The following LRCH3 variants were observed in gnomAD, a reference collection of about 807,000 sequenced individuals.
LRCH3 encodes leucine rich repeats and calponin homology domain containing 3.
In LRCH3, 68 loss-of-function variants were observed where a neutral mutation model predicts 104.5. That is an observed-to-expected ratio of 0.65 (90% CI 0.54 to 0.80). The LOEUF is 0.80. LRCH3 is among the 30% of genes least tolerant of loss of function. LRCH3 has a pLI of 0.00. For synonymous variants in LRCH3, 344 were observed against 361.3 expected (o/e 0.95, Z 0.54); for missense variants, 951 against 953.9 (o/e 1.00, Z 0.04).
rs1369507289 is a variant in LRCH3, at chr3:197,791,524, G to C, written c.246G>C (p.Thr82=). Residue 82 remains threonine, a synonymous_variant, in exon 1 of 21, where the codon ACG becomes ACC. Transcript: ENST00000425562. ...GGGGAGCGGCCAACCACGACCTGAC[G>C]GACACCACCCGGGCGGGTGAGCGGG... ...FPRGAANHDL[T]DTTRADLSRN... 18 of 1,592,462 alleles carry C rather than the reference G, an allele frequency of 1.1e-5. No homozygotes were observed. The highest frequency in any genetic ancestry group is 1.5e-5 in the Non-Finnish European group (18 of 1,172,140).
At chr3:197,850,367 T>C (rs1739408110) in intron 12 of LRCH3, 2 of 952,444 alleles carry the variant, frequency 2.1e-6, no homozygotes, top group Non-Finnish European at 3.1e-6. Flanking sequence ...TTTTTTTTTT[T>C]TCCTTTTAAT....
chr3:197,830,462 G>A (rs187948220), intron 6 of LRCH3, among the ~76,000 whole-genome samples: 1 of 152,226 alleles, frequency 6.6e-6, no homozygotes, highest in African/African-American at 2.4e-5. Flanking sequence ...AACCTCTCAG[G>A]CCTTCTCTTG....
chr3:197,852,969 C>T (rs1739815845), intron 13 of LRCH3, among the ~76,000 whole-genome samples: 1 of 152,108 alleles, frequency 6.6e-6, no homozygotes, highest in Non-Finnish European at 1.5e-5. Context: ...AAAAAAGACT[C>T]TTACATAGGA....
At chr3:197,875,961 CAAAG>C (rs945647475) in intron 20 of LRCH3, 186 bp downstream of exon 20, 8 of 429,250 alleles carry the variant, frequency 1.9e-5, no homozygotes, top group African/African-American at 1.6e-4. Context: ...AAGGACCACA[CAAAG>C]AAATTATAAA....
intron 1 of LRCH3, among the ~76,000 whole-genome samples, chr3:197,804,210 C>A (rs1732217326): frequency 6.6e-6 from 1 of 151,810 alleles, no homozygotes; most frequent in African/African-American, 2.4e-5. Flanking sequence ...TTGCAATGAG[C>A]CAAGATTGTG....
chr3:197,843,581 G>A (rs1261292533), intron 10 of LRCH3, among the ~76,000 whole-genome samples: 4 of 152,340 alleles, frequency 2.6e-5, no homozygotes, highest in African/African-American at 9.6e-5. Context: ...CTACTTGGGA[G>A]GCTGAGGCAG....
At chr3:197,881,137 C>A in intron 20 of LRCH3, 4 of 1,020,994 alleles carry the variant, frequency 3.9e-6, no homozygotes, top group Non-Finnish European at 4.7e-6. Flanking sequence ...GTGACTGAAC[C>A]TTTGCAGCAG....
chr3:197,832,150 C>A, intron 7 of LRCH3, 47 bp from the exon 8 acceptor site: 1 of 1,573,732 alleles, frequency 6.4e-7, no homozygotes, highest in Non-Finnish European at 8.7e-7. Context: ...GCATGATCTG[C>A]CAGGCTCTAA....
chr3:197,821,755 G>A lies in LRCH3; in HGVS notation c.640+1325G>A, dbSNP rs1191381169. 3.3e-5 allele frequency among the ~76,000 whole-genome samples: 5 copies of A among 152,194 alleles called. No homozygotes were observed. The South Asian group carries it at 6.2e-4, about 19-fold the overall frequency. ...AGTGGCACGAACATGGCTCACTGCA[G>A]CCTCGACCTCTCAGGTTTAGGTGAT... On this transcript the variant is annotated intron_variant, in intron 4 of 20. Coordinates refer to ENST00000425562, the MANE Select transcript of LRCH3 (RefSeq NM_001365715.1).
Position 197,864,639 on chromosome 3 carries a change from C to A in LRCH3, c.1717-784C>A, listed in dbSNP as rs1292012363. Among the ~76,000 whole-genome samples the A allele has an allele frequency of 1.4e-4, 20 of 147,904 alleles. No homozygotes were observed. In the East Asian group the frequency reaches 1.8e-3, roughly 13 times the overall value. ...AAAAAAAAAACAAAAAACAAAAAAA[C>A]AAAAACTTGGCTTTTAAAAATACAG... is the stretch of plus-strand genomic sequence containing the variant. On this transcript the variant is annotated intron_variant, in intron 15 of 20. Coordinates refer to ENST00000425562, the MANE Select transcript of LRCH3 (RefSeq NM_001365715.1).
intron 4 of LRCH3, among the ~76,000 whole-genome samples, chr3:197,824,798 C>T (rs960537173): frequency 2.0e-5 from 3 of 151,860 alleles, no homozygotes; most frequent in African/African-American, 7.3e-5. Context: ...TCTTGAACTT[C>T]TGACCTCGTG....
At chr3:197,812,527 T>TTTTTTTTTTG (rs1733283539) in intron 1 of LRCH3, among the ~76,000 whole-genome samples, 1 of 143,348 alleles carries the variant, frequency 7.0e-6, no homozygotes, top group African/African-American at 2.6e-5. Context: ...TTTTTTTTTT[T>TTTTTTTTTTG]TTTAGGTGGA....
rs1363684431 is a variant in LRCH3 at position 197,791,516 on chromosome 3, G to T, written c.238G>T (p.Asp80Tyr). 2.5e-6 allele frequency: 4 copies of T among 1,595,628 alleles called. No individual in the cohort carries two copies. The highest frequency in any genetic ancestry group is 1.7e-5 in the Admixed American group (1 of 58,454). ...REFPRGAANH[D>Y]LTDTTRADLS... is the part of the protein sequence containing the mutation. Reference sequence around the variant, plus strand: ...GTTTCCCCGGGGAGCGGCCAACCACGACCTGACGGACACCACCCGGGCGGG... The same window carrying T: ...GTTTCCCCGGGGAGCGGCCAACCACTACCTGACGGACACCACCCGGGCGGG... Residue 80 changes from aspartate to tyrosine, a missense_variant, in exon 1 of 21, where the codon GAC becomes TAC. Coordinates refer to ENST00000425562, the MANE Select transcript of LRCH3 (RefSeq NM_001365715.1).
chr3:197,865,891 T>C (rs11918157), intron 16 of LRCH3, among the ~76,000 whole-genome samples: 13,487 of 152,214 alleles, frequency 0.089, 2,002 homozygotes, highest in African/African-American at 0.3. Context: ...ACATTCATTC[T>C]GCCTTTATTG....
In LRCH3 at chr3:197,829,620, G is replaced by A. The variant is rs1462794077; in HGVS notation, c.834G>A (p.Lys278=). 8 of 1,613,630 alleles carry A rather than the reference G, an allele frequency of 5.0e-6. No individual in the cohort carries two copies. In the East Asian group the frequency reaches 1.8e-4, roughly 36 times the overall value. ...IFKYLNIQAC[K]IAPDLPDYDR... Reference sequence around the variant, plus strand: ...AATACCTGAACATACAAGCTTGTAAGATTGCTCCAGATCTGCCGGATTATG... The same window carrying A: ...AATACCTGAACATACAAGCTTGTAAAATTGCTCCAGATCTGCCGGATTATG... Residue 278 remains lysine (K), a synonymous_variant, in exon 6 of 21, where the codon AAG becomes AAA. Transcript: ENST00000425562.
At chr3:197,839,502 C>A in intron 10 of LRCH3, 105 bp downstream of exon 10, 1 of 644,018 alleles carries the variant, frequency 1.6e-6, no homozygotes, top group South Asian at 2.2e-5. Context: ...GTTTACATGG[C>A]ATGTATTTAG....
chr3:197,870,380 T>A, intron 18 of LRCH3, 102 bp downstream of exon 18: 5 of 1,191,922 alleles, frequency 4.2e-6, no homozygotes, highest in Non-Finnish European at 5.8e-6. Context: ...ATTTATTTTT[T>A]TTTTAGACGG....
At chr3:197,833,152 A>G (rs1367121101) in intron 8 of LRCH3, among the ~76,000 whole-genome samples, 1 of 152,058 alleles carries the variant, frequency 6.6e-6, no homozygotes, top group African/African-American at 2.4e-5. Context: ...TTTATTTAAG[A>G]CTTAAAATAA....
In LRCH3 at chr3:197,829,462, GCCTC is replaced by G. The variant is rs1202971035; in HGVS notation, c.778-98_778-95del. On this transcript the variant is annotated intron_variant, in intron 5 of 20. Transcript: ENST00000425562. Reference sequence around the variant, plus strand: ...ATTACTGTATGTACTTGATAGAAATGCCTCCCTTTCCCAATGTATGTTACATAAA... The same window carrying G: ...ATTACTGTATGTACTTGATAGAAATGCCTTTCCCAATGTATGTTACATAAA... 76 of 622,124 alleles carry G rather than the reference GCCTC, an allele frequency of 1.2e-4. 1 individual carries two copies. The South Asian group carries it at 1.9e-3, about 16-fold the overall frequency. 38.5% of individuals were successfully genotyped at this position (622,124 alleles called of 1,614,324 possible).
Sources: allele counts gnomAD v4.1 joint callset (sites outside exome capture counted in the v4.1 genomes callset), GRCh38; gene constraint gnomAD v4.1.1; transcripts MANE v1.5; gene names NCBI Gene and HGNC (gene_info 2026-07-23, HGNC 2026-07-21).